The following SAMD5 variants were observed in gnomAD, a reference collection of about 807,000 sequenced individuals.
SAMD5 encodes sterile alpha motif domain containing 5, also known as sterile alpha motif domain-containing protein 5.
SAMD5 carries 13 observed loss-of-function variants against 11.3 expected under a neutral mutation model. That is an observed-to-expected ratio of 1.15 (90% CI 0.75 to 1.83). SAMD5 has a LOEUF of 1.83. SAMD5 is among the 40% of genes most tolerant of loss of function. The pLI is 0.00. For synonymous variants in SAMD5, 129 were observed against 111.3 expected, an observed-to-expected ratio of 1.16 and a Z score of -1.00; for missense variants, 255 against 239.1, an observed-to-expected ratio of 1.07 and a Z score of -0.44.
At chr6:147,547,441 G>A (rs1233817169) in intron 1 of SAMD5, among the ~76,000 whole-genome samples, 1 of 149,914 alleles carries the variant, frequency 6.7e-6, no homozygotes, top group Non-Finnish European at 1.5e-5. Flanking sequence ...ACAGACAGGA[G>A]GTTCCCGTTT....
intron 1 of SAMD5, among the ~76,000 whole-genome samples, chr6:147,530,440 A>G (rs763416564): frequency 1.3e-5 from 2 of 152,360 alleles, no homozygotes; most frequent in African/African-American, 2.4e-5. Flanking sequence ...GGGCATGTCA[A>G]TTCTCATTTC....
At chr6:147,767,055 A>G in the SAMD5 span, among the ~76,000 whole-genome samples, 2 of 152,246 alleles carry the variant, frequency 1.3e-5, no homozygotes, top group Non-Finnish European at 2.9e-5. Context: ...ACAGTATTTC[A>G]TTGTTATAGT....
chr6:147,944,367 G>A, the SAMD5 span, among the ~76,000 whole-genome samples: 5 of 152,146 alleles, frequency 3.3e-5, no homozygotes, highest in Non-Finnish European at 5.9e-5. Context: ...CCTCTTACAC[G>A]GATGGCAGCA....
chr6:147,641,868 C>T (rs1264943985), intron 1 of SAMD5, among the ~76,000 whole-genome samples: 5 of 152,034 alleles, frequency 3.3e-5, no homozygotes, highest in Non-Finnish European at 5.9e-5. Context: ...TTCATGCTTA[C>T]CTAAAATCAT....
intron 1 of SAMD5, among the ~76,000 whole-genome samples, chr6:147,562,694 C>T (rs112287872): frequency 6.6e-5 from 10 of 152,064 alleles, no homozygotes; most frequent in Admixed American, 5.2e-4. Context: ...TGGTGGCGGG[C>T]GCCTGTAGTC....
chr6:147,580,676 C>T (rs1182233951), intron 1 of SAMD5, among the ~76,000 whole-genome samples: 5 of 152,192 alleles, frequency 3.3e-5, no homozygotes, highest in African/African-American at 4.8e-5. Context: ...CCAGTGGTAG[C>T]ATATTAGCAC....
At chr6:147,609,573 G>A (rs1034996853) in intron 1 of SAMD5, among the ~76,000 whole-genome samples, 2 of 151,998 alleles carry the variant, frequency 1.3e-5, no homozygotes, top group Admixed American at 6.6e-5. Flanking sequence ...TCTTTGAGAC[G>A]GAATCTCACC....
the SAMD5 span, among the ~76,000 whole-genome samples, chr6:147,853,832 A>G: frequency 6.6e-6 from 1 of 152,200 alleles, no homozygotes; most frequent in African/African-American, 2.4e-5. Flanking sequence ...AAGTAATATT[A>G]TTCATTATCA....
At chr6:147,766,889 T>A in the SAMD5 span, among the ~76,000 whole-genome samples, 2 of 152,158 alleles carry the variant, frequency 1.3e-5, no homozygotes, top group Non-Finnish European at 2.9e-5. Context: ...AAAAGTTAAT[T>A]GAGTCATTTG....
At chr6:147,740,028 C>T (rs1791858133), downstream of SAMD5, among the ~76,000 whole-genome samples, 1 of 152,106 alleles carries the variant, frequency 6.6e-6, no homozygotes, top group African/African-American at 2.4e-5. Context: ...CCATGTTGGC[C>T]AGGCTGATCT....
intron 1 of SAMD5, among the ~76,000 whole-genome samples, chr6:147,691,828 G>C (rs1388153902): frequency 6.7e-6 from 1 of 149,922 alleles, no homozygotes; most frequent in Non-Finnish European, 1.5e-5. Context: ...GTCTTAGCTT[G>C]TTCTTTGCAG....
the SAMD5 span, among the ~76,000 whole-genome samples, chr6:147,744,256 A>G: frequency 2.6e-5 from 4 of 152,250 alleles, no homozygotes; most frequent in Admixed American, 6.5e-5. Flanking sequence ...CTGTAAAAAG[A>G]AGATAATATT....
the SAMD5 span, among the ~76,000 whole-genome samples, chr6:147,893,646 G>A: frequency 6.6e-6 from 1 of 152,058 alleles, no homozygotes. Flanking sequence ...AGGATCTATT[G>A]ACACTATTGC....
chr6:147,787,396 AT>A, the SAMD5 span, among the ~76,000 whole-genome samples: 1 of 152,184 alleles, frequency 6.6e-6, no homozygotes, highest in Admixed American at 6.5e-5. Context: ...CTTTTTGATA[AT>A]TTCTGAAATT....
chr6:147,840,125 C>A, the SAMD5 span, among the ~76,000 whole-genome samples: 2 of 152,216 alleles, frequency 1.3e-5, no homozygotes, highest in Non-Finnish European at 2.9e-5. Context: ...ATTCCCTGCA[C>A]TGATAGACCA....
At chr6:147,805,431 GA>G in the SAMD5 span, among the ~76,000 whole-genome samples, 6 of 148,268 alleles carry the variant, frequency 4.0e-5, no homozygotes, top group Non-Finnish European at 7.5e-5. Context: ...TGTAGTAATG[GA>G]AATCCAACTT....
intron 1 of SAMD5, among the ~76,000 whole-genome samples, chr6:147,643,877 G>T (rs1562341195): frequency 6.6e-6 from 1 of 152,058 alleles, no homozygotes; most frequent in African/African-American, 2.4e-5. Context: ...AAGGGAGGCA[G>T]GAAAGAAAGA....
chr6:147,511,064 C>T (rs1788080748), intron 1 of SAMD5, among the ~76,000 whole-genome samples: 1 of 152,142 alleles, frequency 6.6e-6, no homozygotes, highest in South Asian at 2.1e-4. Context: ...AGTACCTGGG[C>T]ACTTGATAAG....
chr6:147,880,376 G>A, the SAMD5 span, among the ~76,000 whole-genome samples: 2 of 151,630 alleles, frequency 1.3e-5, no homozygotes, highest in African/African-American at 4.8e-5. Context: ...CACACACAGA[G>A]ACACATACAC....
Sources: allele counts gnomAD v4.1 joint callset (sites outside exome capture counted in the v4.1 genomes callset), GRCh38; gene constraint gnomAD v4.1.1; transcripts MANE v1.5; gene names NCBI Gene and HGNC (gene_info 2026-07-23, HGNC 2026-07-21).